BCAS3: variants seen among roughly 807,000 people sequenced by gnomAD.
BCAS3 encodes BCAS3 microtubule associated cell migration factor.
Under a neutral mutation model 116.1 loss-of-function variants are expected in BCAS3, and 53 were observed. That is an observed-to-expected ratio of 0.46 (90% confidence interval 0.37 to 0.57). BCAS3 has a LOEUF of 0.57. BCAS3 is among the 20% of genes least tolerant of loss of function. The pLI, the probability that BCAS3 is intolerant of heterozygous loss-of-function variation, is 0.00. For missense variants in BCAS3, 917 were observed against 1,165.4 expected (o/e 0.79, Z 3.10); for synonymous variants, 391 against 408.2 (o/e 0.96, Z 0.51).
chr17:61,184,177 A>C (rs191527730), intron 22 of BCAS3, among the ~76,000 whole-genome samples: 16 of 152,300 alleles, frequency 1.1e-4, no homozygotes, highest in East Asian at 9.6e-4. Context: ...AGAAAATTTC[A>C]GTATTCACTA....
intron 4 of BCAS3, among the ~76,000 whole-genome samples, chr17:60,695,799 A>G (rs553991845): frequency 3.3e-5 from 5 of 152,006 alleles, no homozygotes; most frequent in South Asian, 2.1e-4. Flanking sequence ...AGGTCTTGCT[A>G]TGTTGCCCAG....
chr17:60,759,619 C>T (rs1230686996), intron 6 of BCAS3, among the ~76,000 whole-genome samples: 1 of 116,476 alleles, frequency 8.6e-6, no homozygotes, highest in Non-Finnish European at 1.9e-5. Context: ...TTTATCATTA[C>T]ATAGTGACTT....
chr17:61,139,528 A>AT lies in BCAS3; in HGVS notation c.2425+54964_2425+54965insT, dbSNP rs1288173716. On this transcript the variant is annotated intron_variant, in intron 22 of 23. Coordinates refer to ENST00000407086, the MANE Select transcript of BCAS3 (RefSeq NM_017679.5). The surrounding 1 kb of genome is among the most constrained non-coding windows in gnomAD (Gnocchi z 4.7). ...GTTTATAGCAGAAGCCATAATGTAT[A>AT]ATGTTCAGGAGTGGGTGAGCTACCT... Among the ~76,000 whole-genome samples, 5 of 152,298 alleles carry AT rather than the reference A, an allele frequency of 3.3e-5. No individual in the cohort carries two copies. The East Asian group carries it at 9.6e-4, about 29-fold the overall frequency.
intron 10 of BCAS3, among the ~76,000 whole-genome samples, chr17:60,894,548 A>T (rs1295638632): frequency 6.6e-6 from 1 of 152,148 alleles, no homozygotes; most frequent in African/African-American, 2.4e-5. Context: ...TCCAATTTGG[A>T]TGCCTTTTCT....
At chr17:60,875,879 C>T (rs7219284) in intron 9 of BCAS3, among the ~76,000 whole-genome samples, 18,580 of 151,894 alleles carry the variant, frequency 0.12, 3,444 homozygotes, top group African/African-American at 0.4. Context: ...TGAACACCCA[C>T]GCATTTATTA....
chr17:60,867,755 C>G (rs1366422564), intron 7 of BCAS3, among the ~76,000 whole-genome samples: 1 of 151,994 alleles, frequency 6.6e-6, no homozygotes, highest in Non-Finnish European at 1.5e-5. Context: ...TTAGTTTCTC[C>G]TTATAGTAAT....
chr17:60,757,128 A>C (rs982380167), intron 6 of BCAS3, among the ~76,000 whole-genome samples: 1 of 151,652 alleles, frequency 6.6e-6, no homozygotes, highest in Non-Finnish European at 1.5e-5. Flanking sequence ...GCACCACTGC[A>C]CTCCAGCCTA....
At chr17:60,707,099 C>T (rs1025061898) in intron 4 of BCAS3, among the ~76,000 whole-genome samples, 1 of 151,952 alleles carries the variant, frequency 6.6e-6, no homozygotes, top group African/African-American at 2.4e-5. Context: ...TCAAGCCATT[C>T]TCCTGCTGCA....
intron 14 of BCAS3, among the ~76,000 whole-genome samples, chr17:60,970,271 A>C (rs576667057): frequency 3.3e-5 from 5 of 152,292 alleles, no homozygotes; most frequent in East Asian, 1.9e-4. Flanking sequence ...TCAATGCTTC[A>C]ATGAAAATGG....
At chr17:60,768,748 G>A (rs906620329) in intron 6 of BCAS3, among the ~76,000 whole-genome samples, 1 of 152,174 alleles carries the variant, frequency 6.6e-6, no homozygotes, top group African/African-American at 2.4e-5. Context: ...TCCAGTGGTG[G>A]CAGTAATAGG....
At chr17:61,350,523 T>C (rs1253870208) in intron 22 of BCAS3, among the ~76,000 whole-genome samples, 4 of 152,154 alleles carry the variant, frequency 2.6e-5, no homozygotes, top group Admixed American at 2.6e-4. Flanking sequence ...GATACCTGTG[T>C]GTCCATGCTC....
chr17:61,175,580 A>G (rs890114760), intron 22 of BCAS3, among the ~76,000 whole-genome samples: 1 of 152,206 alleles, frequency 6.6e-6, no homozygotes, highest in Non-Finnish European at 1.5e-5. Context: ...AATCATTTCA[A>G]AGCTGTCCCA....
Position 61,337,381 on chromosome 17 carries a change from TG to T in BCAS3, c.2426-30941del, listed in dbSNP as rs1369421299. Among the ~76,000 whole-genome samples, 2 of 152,138 alleles carry T rather than the reference TG, an allele frequency of 1.3e-5. No homozygotes were observed. Among genetic ancestry groups the T allele is most frequent in the Non-Finnish European group, 1.5e-5 (1 of 68,030 alleles). On this transcript the variant is annotated intron_variant, in intron 22 of 23. Transcript: ENST00000407086. The surrounding 1 kb of genome is among the most constrained non-coding windows in gnomAD (Gnocchi z 4.8). ...CTTCCGTTGTAAATAAACCATTAGC[TG>T]GGGGCCTCACCTCAGGAAGCAATTT...
intron 22 of BCAS3, among the ~76,000 whole-genome samples, chr17:61,360,004 A>G (rs2058367122): frequency 9.7e-6 from 1 of 102,910 alleles, no homozygotes. Context: ...GCCTCCCATA[A>G]CTTTTCTTTT....
chr17:61,152,635 G>A (rs913706843), intron 22 of BCAS3, among the ~76,000 whole-genome samples: 31 of 151,922 alleles, frequency 2.0e-4, no homozygotes, highest in Non-Finnish European at 2.9e-5. Context: ...AGAGAAGAAA[G>A]GGCCAAATGA....
intron 6 of BCAS3, among the ~76,000 whole-genome samples, chr17:60,764,181 G>A (rs1322399926): frequency 7.1e-6 from 1 of 141,610 alleles, no homozygotes; most frequent in Non-Finnish European, 1.5e-5. Context: ...GAACTTTTTT[G>A]TGTCTCTATC....
chr17:61,372,543 C>T (rs1192998290), intron 23 of BCAS3, among the ~76,000 whole-genome samples: 2 of 152,168 alleles, frequency 1.3e-5, no homozygotes, highest in Non-Finnish European at 2.9e-5. Flanking sequence ...TTCCTCTCTT[C>T]GGGCCCTTTC....
chr17:60,792,314 G>A (rs138889489), intron 6 of BCAS3, among the ~76,000 whole-genome samples: 371 of 152,292 alleles, frequency 2.4e-3, no homozygotes, highest in African/African-American at 7.6e-3. Context: ...CATGGGCCTC[G>A]TGCTGGCACC....
rs150691455 is a variant in BCAS3, at chr17:60,703,003, G to A, written c.215-6216G>A. 7.8e-3 allele frequency among the ~76,000 whole-genome samples: 1,181 copies of A among 152,202 alleles called. 10 individuals are homozygous for A. Among genetic ancestry groups the A allele is most frequent in the African/African-American group, 0.027 (1,117 of 41,524 alleles). On this transcript the variant is annotated intron_variant, in intron 4 of 23. Transcript: ENST00000407086. The stretch of plus-strand genomic sequence containing the variant: ...CATATTGAAAATGCAGGCTGGGCGC[G>A]GTGGCTCATGGCTGTAATCCCAGCA...
Sources: gnomAD v4.1 joint callset for allele counts (sites outside exome capture counted in the v4.1 genomes callset) on GRCh38, gnomAD v4.1.1 for gene constraint, Gnocchi (gnomAD v3.1) non-coding constraint, MANE v1.5 for transcripts, NCBI Gene and HGNC (gene_info 2026-07-23, HGNC 2026-07-21) for gene names.